CCDC30: variants seen among roughly 807,000 people sequenced by gnomAD.
The protein encoded by CCDC30 is coiled-coil domain-containing protein 30.
A neutral mutation model predicts 100.2 loss-of-function variants in CCDC30; 70 were observed. That is an observed-to-expected ratio of 0.70 (90% CI 0.58 to 0.85). The LOEUF is 0.85. Ranked by LOEUF, CCDC30 falls within the 40% of genes least tolerant of loss-of-function variation. The pLI is 0.00. For missense variants in CCDC30, 652 were observed against 771.2 expected, an observed-to-expected ratio of 0.85 and a Z score of 1.83; for synonymous variants, 233 against 269.5, an observed-to-expected ratio of 0.86 and a Z score of 1.33.
At chr1:42,555,141 G>T (rs1350459289) in intron 6 of CCDC30, among the ~76,000 whole-genome samples, 1 of 152,082 alleles carries the variant, frequency 6.6e-6, no homozygotes, top group Non-Finnish European at 1.5e-5. Context: ...TTTATTACAT[G>T]GATTATTACA....
At chr1:42,457,015 C>T in the CCDC30 span, 1 of 1,601,950 alleles carries the variant, frequency 6.2e-7, no homozygotes, top group South Asian at 1.1e-5. Context: ...TAGAGTTCAC[C>T]ACTTTGGCGG....
intron 6 of CCDC30, chr1:42,536,893 G>A (rs568113863): frequency 5.2e-6 from 2 of 382,758 alleles, no homozygotes; most frequent in Non-Finnish European, 9.5e-6. Flanking sequence ...AAGCTCTGGT[G>A]TCTCTTCCTC....
At chr1:42,608,771 A>G (rs1190006575) in intron 10 of CCDC30, among the ~76,000 whole-genome samples, 2 of 151,966 alleles carry the variant, frequency 1.3e-5, no homozygotes, top group African/African-American at 4.8e-5. Flanking sequence ...TCAAGAGCAA[A>G]TAGACACCAC....
intron 11 of CCDC30, among the ~76,000 whole-genome samples, chr1:42,616,748 A>G (rs1337871704): frequency 6.6e-6 from 1 of 152,248 alleles, no homozygotes; most frequent in African/African-American, 2.4e-5. Flanking sequence ...ACAGGACTTC[A>G]GACCGAACCA....
Position 42,532,050 on chromosome 1 carries a change from G to A in CCDC30, c.456+33134G>A, listed in dbSNP as rs546107741. ...CTCATACCTATAATCCTAGCACTTC[G>A]GGAGGCCAAAGTGGGAGGATTGCTT... is the stretch of plus-strand genomic sequence containing the variant. On this transcript the variant is annotated intron_variant, in intron 6 of 16. Transcript: ENST00000668663. 4.0e-5 allele frequency among the ~76,000 whole-genome samples: 6 copies of A among 151,616 alleles called. No individual in the cohort carries two copies. The South Asian group carries it at 8.4e-4, about 21-fold the overall frequency.
Position 42,583,823 on chromosome 1 carries a change from T to C in CCDC30, c.1001+2309T>C, listed in dbSNP as rs111724340. Among the ~76,000 whole-genome samples, 946 of 152,244 alleles carry C rather than the reference T, an allele frequency of 6.2e-3. 6 individuals carry two copies. Among genetic ancestry groups the C allele is most frequent in the African/African-American group, 0.021 (883 of 41,536 alleles). On this transcript the variant is annotated intron_variant, in intron 9 of 16. Transcript: ENST00000668663. ...TTGAAGTCTGCAGGGCAAACAATCA[T>C]GAAATGAAGTTGAATGTAAAGTGGA...
upstream of CCDC30, among the ~76,000 whole-genome samples, chr1:42,461,932 G>C (rs1157118170): frequency 6.6e-6 from 1 of 152,214 alleles, no homozygotes; most frequent in Admixed American, 6.5e-5. Flanking sequence ...AGTGGCTGCA[G>C]TACTGAAGGG....
At chr1:42,546,275 C>T (rs954805601) in intron 6 of CCDC30, among the ~76,000 whole-genome samples, 2 of 149,958 alleles carry the variant, frequency 1.3e-5, no homozygotes, top group African/African-American at 4.9e-5. Context: ...ATCCCAGCTA[C>T]TCGGGAGGCT....
intron 11 of CCDC30, among the ~76,000 whole-genome samples, chr1:42,636,965 C>CAAAAA (rs1166253995): frequency 0.014 from 409 of 29,516 alleles, 47 homozygotes; most frequent in Non-Finnish European, 0.015. Context: ...GACTCCATCT[C>CAAAAA]AAAAAAAAAA....
chr1:42,642,709 T>C, intron 13 of CCDC30, 100 bp downstream of exon 17: 1 of 1,170,286 alleles, frequency 8.5e-7, no homozygotes, highest in Non-Finnish European at 1.1e-6. Flanking sequence ...GTTTGTAGCC[T>C]ACCCTATGAC....
At chr1:42,611,852 T>C (rs537960650) in intron 11 of CCDC30, among the ~76,000 whole-genome samples, 1 of 152,192 alleles carries the variant, frequency 6.6e-6, no homozygotes, top group South Asian at 2.1e-4. Flanking sequence ...CACTTTTTAA[T>C]TTTTTTATAG....
intron 6 of CCDC30, among the ~76,000 whole-genome samples, chr1:42,546,606 G>A: frequency 6.6e-6 from 1 of 151,076 alleles, no homozygotes; most frequent in East Asian, 1.9e-4. Context: ...ACACATATAT[G>A]TATATTTTTA....
intron 6 of CCDC30, among the ~76,000 whole-genome samples, chr1:42,506,879 C>A (rs534953555): frequency 6.6e-6 from 1 of 152,166 alleles, no homozygotes; most frequent in Non-Finnish European, 1.5e-5. Context: ...TTTACTATTA[C>A]GTGAAAATCC....
intron 6 of CCDC30, among the ~76,000 whole-genome samples, chr1:42,538,600 C>T (rs1644954561): frequency 6.6e-6 from 1 of 151,968 alleles, no homozygotes; most frequent in Non-Finnish European, 1.5e-5. Flanking sequence ...AGCGAGACCG[C>T]ATCAATATAA....
At chr1:42,589,148 G>A (rs182586122) in intron 9 of CCDC30, among the ~76,000 whole-genome samples, 173 bp from the exon 14 acceptor site, 1 of 151,790 alleles carries the variant, frequency 6.6e-6, no homozygotes, top group Admixed American at 6.6e-5. Context: ...GAGAAGTAAG[G>A]AAAGCTTCTA....
At chr1:42,612,113 ACTGT>A (rs1646637942) in intron 11 of CCDC30, among the ~76,000 whole-genome samples, 2 of 152,326 alleles carry the variant, frequency 1.3e-5, no homozygotes, top group Admixed American at 6.5e-5. Flanking sequence ...AAAGTTTTAT[ACTGT>A]CTTTCTCTTA....
intron 12 of CCDC30, among the ~76,000 whole-genome samples, chr1:42,640,362 A>C (rs1412543656): frequency 6.6e-6 from 1 of 152,194 alleles, no homozygotes; most frequent in Non-Finnish European, 1.5e-5. Context: ...TCCCAAGGAC[A>C]AGGTGTCAGT....
chr1:42,491,825 T>C, intron 4 of CCDC30: 1 of 346,288 alleles, frequency 2.9e-6, no homozygotes. Context: ...CTAAGAAAGA[T>C]TGGTGTGATG....
chr1:42,610,705 G>A (rs1366224715), intron 10 of CCDC30, among the ~76,000 whole-genome samples: 1 of 152,146 alleles, frequency 6.6e-6, no homozygotes, highest in Non-Finnish European at 1.5e-5. Flanking sequence ...GATTATGGGT[G>A]TGAGTCATCA....
Sources: gnomAD v4.1 joint callset for allele counts (sites outside exome capture counted in the v4.1 genomes callset) on GRCh38, gnomAD v4.1.1 for gene constraint, MANE v1.5 for transcripts, NCBI Gene and HGNC (gene_info 2026-07-23, HGNC 2026-07-21) for gene names.